TBC1D5: variants seen among roughly 807,000 people sequenced by gnomAD.
The protein encoded by TBC1D5 is TBC1 domain family, member 5.
TBC1D5 carries 75 observed loss-of-function variants against 100.3 expected under a neutral mutation model. The ratio of observed to expected loss-of-function variants is 0.75; its 90% confidence interval spans 0.62 to 0.91. TBC1D5 has a LOEUF of 0.91. TBC1D5 is among the 40% of genes least tolerant of loss of function. The pLI, the probability that TBC1D5 is intolerant of heterozygous loss-of-function variation, is 0.00. For missense variants in TBC1D5, 910 were observed against 942.4 expected (o/e 0.97, Z 0.45); for synonymous variants, 323 against 325.6 (o/e 0.99, Z 0.09).
intron 3 of TBC1D5, among the ~76,000 whole-genome samples, chr3:17,437,448 A>G (rs748988485): frequency 6.6e-6 from 1 of 152,078 alleles, no homozygotes; most frequent in Non-Finnish European, 1.5e-5. Flanking sequence ...ACAGAATTCT[A>G]AGGCAAAATT....
At position 17,511,500 on chromosome 3, in the gene TBC1D5, A is replaced by ACAAG. The variant is rs2095906281; in HGVS notation, c.-35-2899_-35-2896dup. ...AAACTATATAAAAAATAGACAAGTA[A>ACAAG]CAAGCAAGTTGCCATCAAAGTTTAT... On this transcript the variant is annotated intron_variant, in intron 2 of 21. Transcript: ENST00000253692. Among the ~76,000 whole-genome samples, 5 of 152,112 alleles carry ACAAG rather than the reference A, an allele frequency of 3.3e-5. 1 individual carries two copies. The South Asian group carries it at 1.0e-3, about 32-fold the overall frequency.
chr3:17,434,158 C>T (rs568619177), intron 3 of TBC1D5, among the ~76,000 whole-genome samples: 1 of 152,310 alleles, frequency 6.6e-6, no homozygotes, highest in South Asian at 2.1e-4. Flanking sequence ...ATTCTAGGGT[C>T]TGGAGAACAG....
intron 3 of TBC1D5, among the ~76,000 whole-genome samples, chr3:17,507,237 G>C (rs1020574812): frequency 2.0e-5 from 3 of 152,048 alleles, no homozygotes; most frequent in African/African-American, 7.2e-5. Context: ...AATATCACTA[G>C]AAAAGGTGTC....
intron 8 of TBC1D5, among the ~76,000 whole-genome samples, chr3:17,385,281 G>A (rs1178213833): frequency 6.6e-6 from 1 of 152,060 alleles, no homozygotes; most frequent in Non-Finnish European, 1.5e-5. Flanking sequence ...TTGCAAATCA[G>A]GTGGCTTTGG....
intron 18 of TBC1D5, among the ~76,000 whole-genome samples, chr3:17,202,712 A>G (rs1262974012): frequency 6.6e-6 from 1 of 152,222 alleles, no homozygotes; most frequent in African/African-American, 2.4e-5. Flanking sequence ...AGGGCCTAAG[A>G]TATCGCAGGC....
At chr3:17,404,431 G>A (rs1453631933) in intron 7 of TBC1D5, among the ~76,000 whole-genome samples, 3 of 151,826 alleles carry the variant, frequency 2.0e-5, no homozygotes, top group Non-Finnish European at 4.4e-5. Context: ...CATCTTTATG[G>A]TCTTATATTT....
At chr3:17,675,015 A>G (rs951647697) in intron 1 of TBC1D5, among the ~76,000 whole-genome samples, 4 of 152,242 alleles carry the variant, frequency 2.6e-5, no homozygotes, top group Middle Eastern at 6.8e-3. Context: ...CTTACTATCT[A>G]TATGTTTTTG....
chr3:17,398,356 G>T (rs551353659), intron 8 of TBC1D5, among the ~76,000 whole-genome samples: 2 of 152,202 alleles, frequency 1.3e-5, no homozygotes, highest in East Asian at 3.9e-4. Context: ...TGGCTGAAGA[G>T]GAAGATAATA....
chr3:17,300,485 A>G (rs1339361646), intron 14 of TBC1D5, among the ~76,000 whole-genome samples: 1 of 152,258 alleles, frequency 6.6e-6, no homozygotes, highest in Admixed American at 6.5e-5. Flanking sequence ...AAATACTGGC[A>G]GACAGACAGT....
intron 19 of TBC1D5, among the ~76,000 whole-genome samples, chr3:17,184,269 A>T (rs2068761217): frequency 6.6e-6 from 1 of 152,222 alleles, no homozygotes. Context: ...CATTTCTTAG[A>T]ATATAAGCAC....
At chr3:17,271,868 GTTT>G (rs2079461412) in intron 15 of TBC1D5, among the ~76,000 whole-genome samples, 1 of 152,050 alleles carries the variant, frequency 6.6e-6, no homozygotes, top group African/African-American at 2.4e-5. Flanking sequence ...TGATCATATG[GTTT>G]TGTTTTTAAT....
chr3:17,593,582 C>G (rs2153571177), intron 2 of TBC1D5, among the ~76,000 whole-genome samples: 1 of 152,304 alleles, frequency 6.6e-6, no homozygotes, highest in East Asian at 1.9e-4. Flanking sequence ...TATGGGTTTG[C>G]CTATCCTGCA....
intron 2 of TBC1D5, among the ~76,000 whole-genome samples, chr3:17,590,809 T>C (rs988101354): frequency 1.3e-5 from 2 of 152,132 alleles, no homozygotes; most frequent in Admixed American, 6.5e-5. Flanking sequence ...CTGATTCACG[T>C]AGAGCTTTGG....
At chr3:17,678,927 C>T (rs2153806320) in intron 1 of TBC1D5, among the ~76,000 whole-genome samples, 1 of 151,170 alleles carries the variant, frequency 6.6e-6, no homozygotes, top group East Asian at 1.9e-4. Context: ...TCAGTAGTAA[C>T]ACTGAATGTT....
chr3:17,205,405 T>A (rs1331228951), intron 18 of TBC1D5, among the ~76,000 whole-genome samples: 2 of 152,178 alleles, frequency 1.3e-5, no homozygotes, highest in African/African-American at 4.8e-5. Flanking sequence ...AAAATTCTAG[T>A]CTTCTGGGAA....
chr3:17,233,512 T>C (rs1163964798), intron 17 of TBC1D5, among the ~76,000 whole-genome samples, 173 bp downstream of exon 18: 3 of 152,158 alleles, frequency 2.0e-5, no homozygotes, highest in African/African-American at 4.8e-5. Context: ...AGGTATGACA[T>C]GAGAGGGGAC....
chr3:17,510,925 G>A (rs1416001043), intron 2 of TBC1D5, among the ~76,000 whole-genome samples: 1 of 151,968 alleles, frequency 6.6e-6, no homozygotes, highest in Non-Finnish European at 1.5e-5. Context: ...CAAGGAGTAA[G>A]TATTAAAGCC....
chr3:17,502,152 AC>A (rs2095794752), intron 3 of TBC1D5, among the ~76,000 whole-genome samples: 2 of 149,316 alleles, frequency 1.3e-5, no homozygotes, highest in Admixed American at 6.6e-5. Flanking sequence ...CTCTTCTTCC[AC>A]TGATTTTTAC....
At chr3:17,373,306 T>A (rs1378922184) in intron 12 of TBC1D5, among the ~76,000 whole-genome samples, 18 of 152,214 alleles carry the variant, frequency 1.2e-4, no homozygotes, top group Admixed American at 9.8e-4. Context: ...TGAGTAATAA[T>A]GGTTTCTAAC....
Sources: allele counts gnomAD v4.1 joint callset (sites outside exome capture counted in the v4.1 genomes callset), GRCh38; gene constraint gnomAD v4.1.1; transcripts MANE v1.5; gene names NCBI Gene and HGNC (gene_info 2026-07-23, HGNC 2026-07-21).